The following FAM193A variants were observed in gnomAD, a reference collection of about 807,000 sequenced individuals.
FAM193A encodes family with sequence similarity 193 member A.
Under a neutral mutation model 126.5 loss-of-function variants are expected in FAM193A, and 22 were observed. The ratio of observed to expected loss-of-function variants is 0.17; its 90% CI spans 0.12 to 0.25. FAM193A has a LOEUF of 0.25. FAM193A is among the 10% of genes least tolerant of loss of function. FAM193A has a pLI of 1.00. For missense variants in FAM193A, 1,675 were observed against 1,672.8 expected, an observed-to-expected ratio of 1.00 and a Z score of -0.02; for synonymous variants, 761 against 646.8, an observed-to-expected ratio of 1.18 and a Z score of -2.68.
intron 1 of FAM193A, among the ~76,000 whole-genome samples, chr4:2,568,462 G>A (rs1436027294): frequency 6.6e-6 from 1 of 152,188 alleles, no homozygotes; most frequent in Non-Finnish European, 1.5e-5. Context: ...GCAGGCTACA[G>A]TGAGCTGTGA....
intron 1 of FAM193A, among the ~76,000 whole-genome samples, chr4:2,560,229 C>T (rs1439516813): frequency 6.6e-6 from 1 of 152,140 alleles, no homozygotes; most frequent in African/African-American, 2.4e-5. Context: ...AGGTGTGAGC[C>T]ACCGCGCCTG....
intron 1 of FAM193A, among the ~76,000 whole-genome samples, chr4:2,591,377 A>G (rs1740563220): frequency 6.6e-6 from 1 of 152,174 alleles, no homozygotes; most frequent in South Asian, 2.1e-4. Context: ...TTTAGGCAGC[A>G]GGAACAATCG....
chr4:2,617,810 T>C (rs945434215), intron 2 of FAM193A, among the ~76,000 whole-genome samples: 4 of 152,184 alleles, frequency 2.6e-5, no homozygotes, highest in African/African-American at 4.8e-5. Flanking sequence ...ACATTGTCAT[T>C]TTTTCCCTTT....
chr4:2,716,920 C>T (rs1176093849), intron 20 of FAM193A, among the ~76,000 whole-genome samples: 5 of 152,182 alleles, frequency 3.3e-5, no homozygotes, highest in African/African-American at 7.2e-5. Flanking sequence ...AGGTGATACA[C>T]CTGCCTTAGC....
intron 7 of FAM193A, among the ~76,000 whole-genome samples, chr4:2,652,547 T>C (rs548131741): frequency 6.6e-6 from 1 of 152,194 alleles, no homozygotes; most frequent in South Asian, 2.1e-4. Flanking sequence ...ACATCTTACG[T>C]GGCTGGAGTA....
chr4:2,698,232 C>G (rs777549521), intron 18 of FAM193A, among the ~76,000 whole-genome samples: 1 of 152,220 alleles, frequency 6.6e-6, no homozygotes, highest in African/African-American at 2.4e-5. Context: ...TGCTGGAGAC[C>G]AGGGCACCTG....
intron 2 of FAM193A, chr4:2,607,976 A>G (rs1440124194): frequency 6.4e-7 from 1 of 1,551,998 alleles, no homozygotes; most frequent in Non-Finnish European, 8.7e-7. Context: ...AGATGCTACC[A>G]GGGCAGCCAC....
intron 2 of FAM193A, chr4:2,607,925 G>A: frequency 8.1e-7 from 1 of 1,235,458 alleles, no homozygotes; most frequent in Non-Finnish European, 1.1e-6. Flanking sequence ...ATGTGATGGT[G>A]TCGCTTTATG....
intron 1 of FAM193A, among the ~76,000 whole-genome samples, chr4:2,542,772 AAG>A (rs1668121431): frequency 6.6e-6 from 1 of 152,152 alleles, no homozygotes; most frequent in Admixed American, 6.6e-5. Context: ...GGAGGTGGAT[AAG>A]AGAGAAGGCC....
intron 1 of FAM193A, among the ~76,000 whole-genome samples, chr4:2,557,406 C>G (rs1412709491): frequency 6.6e-6 from 1 of 152,146 alleles, no homozygotes; most frequent in Admixed American, 6.6e-5. Flanking sequence ...TTTGTCAAAA[C>G]TAAGAAATTA....
chr4:2,566,339 G>A (rs954727255), intron 1 of FAM193A, among the ~76,000 whole-genome samples: 9 of 152,116 alleles, frequency 5.9e-5, no homozygotes, highest in Middle Eastern at 3.2e-3. Context: ...GAGCCACCGC[G>A]CCTGGCCAAT....
At chr4:2,541,632 G>C (rs1445020729) in intron 1 of FAM193A, among the ~76,000 whole-genome samples, 1 of 151,576 alleles carries the variant, frequency 6.6e-6, no homozygotes, top group African/African-American at 2.4e-5. Flanking sequence ...TTTTAGTAGA[G>C]ACAGGGTTTC....
At chr4:2,585,274 T>C (rs1740170236) in intron 1 of FAM193A, among the ~76,000 whole-genome samples, 1 of 152,178 alleles carries the variant, frequency 6.6e-6, no homozygotes, top group Non-Finnish European at 1.5e-5. Context: ...ATAGTCTACA[T>C]GTATTTTCAC....
intron 19 of FAM193A, among the ~76,000 whole-genome samples, chr4:2,701,033 G>C (rs1040575953): frequency 6.7e-6 from 1 of 150,270 alleles, no homozygotes; most frequent in African/African-American, 2.4e-5. Flanking sequence ...CCCAACATCA[G>C]TATTTCCCAT....
chr4:2,553,689 A>T (rs1738086686), intron 1 of FAM193A, among the ~76,000 whole-genome samples: 3 of 151,952 alleles, frequency 2.0e-5, no homozygotes. Flanking sequence ...CAGTTTATTT[A>T]GAAGTTGGTA....
chr4:2,683,537 C>A (rs1715399007), intron 13 of FAM193A, among the ~76,000 whole-genome samples: 1 of 152,206 alleles, frequency 6.6e-6, no homozygotes, highest in African/African-American at 2.4e-5. Flanking sequence ...CAGGTGATCG[C>A]CTGCCTTGGC....
rs531671512 is a variant in FAM193A at position 2,708,671 on chromosome 4, T to C, written c.4373-7352T>C. Reference sequence around the variant, plus strand: ...AGAGGTGGGGTTTCACCATGTTGGCTAGGCTGGTCTCGAACTCCAGACCTC... The same window carrying C: ...AGAGGTGGGGTTTCACCATGTTGGCCAGGCTGGTCTCGAACTCCAGACCTC... On this transcript the variant is annotated intron_variant, in intron 19 of 20. Coordinates refer to ENST00000637812, the MANE Select transcript of FAM193A (RefSeq NM_001366318.2). Among the ~76,000 whole-genome samples the C allele has an allele frequency of 3.3e-5, 5 of 152,002 alleles. No individual in the cohort carries two copies. The South Asian group carries it at 1.0e-3, about 32-fold the overall frequency.
At chr4:2,626,294 G>GC (rs1742957828) in intron 3 of FAM193A, 116 bp from the exon 4 acceptor site, 1 of 626,100 alleles carries the variant, frequency 1.6e-6, no homozygotes, top group Non-Finnish European at 2.9e-6. Flanking sequence ...CTGATTGCCG[G>GC]CTCCTGGGAG....
intron 7 of FAM193A, among the ~76,000 whole-genome samples, chr4:2,647,747 C>T (rs934420357): frequency 2.6e-5 from 4 of 152,164 alleles, no homozygotes; most frequent in Non-Finnish European, 4.4e-5. Flanking sequence ...GAATTGAGAG[C>T]GGCCCTGGTT....
Sources: gnomAD v4.1 joint callset for allele counts (sites outside exome capture counted in the v4.1 genomes callset) on GRCh38, gnomAD v4.1.1 for gene constraint, MANE v1.5 for transcripts, NCBI Gene and HGNC (gene_info 2026-07-23, HGNC 2026-07-21) for gene names.